The following MELTF variants were observed in gnomAD, a reference collection of about 807,000 sequenced individuals.
The protein encoded by MELTF is melanotransferrin, also known as antigen p97 (melanoma associated) identified by monoclonal antibodies 133.2 and 96.5.
A neutral mutation model predicts 83.7 loss-of-function variants in MELTF; 67 were observed. The observed-to-expected ratio is 0.80, with a 90% CI of 0.66 to 0.98. The LOEUF (loss-of-function observed/expected upper bound fraction) is 0.98, where lower values mean the gene tolerates loss of function less well. MELTF is among the 50% of genes least tolerant of loss of function. The probability of loss-of-function intolerance (pLI) is 0.00; values close to 1 mark genes in which losing one functional copy is unlikely to be tolerated. For synonymous variants in MELTF, 462 were observed against 447.6 expected, an observed-to-expected ratio of 1.03 and a Z score of -0.41; for missense variants, 1,002 against 1,035.6, an observed-to-expected ratio of 0.97 and a Z score of 0.44.
chr3:197,018,815 A>T (rs1175751184), intron 6 of MELTF: 2 of 600,868 alleles, frequency 3.3e-6, no homozygotes, highest in Non-Finnish European at 4.2e-6. Flanking sequence ...TTGGTAGAGT[A>T]TTTTTCCACA....
intron 6 of MELTF, among the ~76,000 whole-genome samples, chr3:197,020,138 C>T (rs1056474263): frequency 6.6e-6 from 1 of 152,158 alleles, no homozygotes; most frequent in African/African-American, 2.4e-5. Flanking sequence ...AATTGAGGGA[C>T]ATTCTATAAA....
chr3:197,020,399 A>G (rs1300801801), intron 6 of MELTF, among the ~76,000 whole-genome samples: 1 of 152,190 alleles, frequency 6.6e-6, no homozygotes, highest in Non-Finnish European at 1.5e-5. Flanking sequence ...GTGGCTAGGT[A>G]CACACCTCCT....
At chr3:197,017,601 GGC>G (rs1719433827) in intron 6 of MELTF, among the ~76,000 whole-genome samples, 8 of 152,240 alleles carry the variant, frequency 5.3e-5, no homozygotes, top group Non-Finnish European at 8.8e-5. Flanking sequence ...AGGCTGGCCG[GGC>G]GTGGTGGCTC....
intron 10 of MELTF, among the ~76,000 whole-genome samples, chr3:197,010,377 T>C (rs80192235): frequency 0.032 from 4,932 of 152,372 alleles, 152 homozygotes; most frequent in African/African-American, 0.073. Context: ...AGGCCTGCTC[T>C]TGTATGGCCT....
rs1459426399 is a variant in MELTF, at chr3:197,022,520, T to C, written c.644+437A>G. Among the ~76,000 whole-genome samples the C allele has an allele frequency of 1.3e-5, 2 of 151,994 alleles. No individual in the cohort carries two copies. Among genetic ancestry groups the C allele is most frequent in the Non-Finnish European group, 2.9e-5 (2 of 68,008 alleles). On this transcript the variant is annotated intron_variant, in intron 5 of 15. Transcript: ENST00000296350. The surrounding 1 kb of genome is among the most constrained non-coding windows in gnomAD (Gnocchi z 5.1). ...GCACATTTCCTCCTCTGCAGGCAGATGGAATTGGACCACGAGCTGTTAGAG... is the reference window on the plus strand; with the variant it reads ...GCACATTTCCTCCTCTGCAGGCAGACGGAATTGGACCACGAGCTGTTAGAG...
intron 9 of MELTF, among the ~76,000 whole-genome samples, chr3:197,012,025 C>T (rs1036612317): frequency 6.6e-6 from 1 of 152,194 alleles, no homozygotes; most frequent in African/African-American, 2.4e-5. Flanking sequence ...AAAGACCCTC[C>T]CAACGAGCCC....
At chr3:197,017,933 G>C (rs1350490373) in intron 6 of MELTF, among the ~76,000 whole-genome samples, 1 of 152,182 alleles carries the variant, frequency 6.6e-6, no homozygotes, top group Non-Finnish European at 1.5e-5. Flanking sequence ...TCTAGGATGA[G>C]CTTGCGGCTG....
rs534448499 is a variant in MELTF, at chr3:197,016,244, C to T, written c.1026G>A (p.Ala342=). The change falls in exon 8 of 16, where the codon GCG becomes GCA. Residue 342 remains alanine (A), a synonymous_variant. Transcript: ENST00000296350. ...CGTGCAGGTACTCATGGCCCAGCCA[C>T]GCCTCATAGGTCTGTGTGGCGATGG... ...LVPIATQTYE[A]WLGHEYLHAM... is the part of the protein sequence containing the mutation. 221 of 1,607,088 alleles carry T rather than the reference C, an allele frequency of 1.4e-4. 3 individuals are homozygous for T. The South Asian group carries it at 1.7e-3, about 12-fold the overall frequency.
chr3:197,023,183 G>T, intron 4 of MELTF, 70 bp from the exon 5 acceptor site: 4 of 1,504,638 alleles, frequency 2.7e-6, no homozygotes, highest in Non-Finnish European at 2.8e-6. Flanking sequence ...CCCAGGGTCA[G>T]CAGGGGGCCC....
In MELTF at chr3:197,006,964, G is replaced by C. The variant is rs895394751; in HGVS notation, c.1751-228C>G. Reference sequence around the variant, plus strand: ...GCTGCCATTAATTAGCAGGGAGTAGGGAGTACCTACTATGTGACAAGTACT... The same window carrying C: ...GCTGCCATTAATTAGCAGGGAGTAGCGAGTACCTACTATGTGACAAGTACT... On this transcript the variant is annotated intron_variant, in intron 13 of 15. Coordinates refer to ENST00000296350, the MANE Select transcript of MELTF (RefSeq NM_005929.6). This position sits in a 1 kb window ranked among gnomAD's most constrained non-coding sequence, Gnocchi z 5.4. Among the ~76,000 whole-genome samples the C allele has an allele frequency of 2.6e-5, 4 of 152,140 alleles. No individual in the cohort carries two copies. Among genetic ancestry groups the C allele is most frequent in the African/African-American group, 7.2e-5 (3 of 41,428 alleles).
chr3:197,009,038 C>A, intron 11 of MELTF, 73 bp from the exon 12 acceptor site: 1 of 1,563,340 alleles, frequency 6.4e-7, no homozygotes. Flanking sequence ...CGGGCCGCTC[C>A]CCCACAGGTC....
At chr3:197,016,155 T>C in intron 8 of MELTF, 34 bp downstream of exon 8, 1 of 1,475,646 alleles carries the variant, frequency 6.8e-7, no homozygotes, top group Non-Finnish European at 9.0e-7. Context: ...TGAGCTGGGC[T>C]GGAGCTGGCA....
At chr3:197,018,012 G>A (rs1312687703) in intron 6 of MELTF, among the ~76,000 whole-genome samples, 1 of 152,196 alleles carries the variant, frequency 6.6e-6, no homozygotes, top group Non-Finnish European at 1.5e-5. Context: ...GGGCCACGGT[G>A]GAAACAAACC....
intron 6 of MELTF, chr3:197,019,720 G>C: frequency 1.2e-6 from 2 of 1,612,928 alleles, no homozygotes; most frequent in South Asian, 2.2e-5. Flanking sequence ...AGAGCGCATC[G>C]TCCTACGTGC....
rs1720006206 is a variant in MELTF, at chr3:197,029,612, CG to C, written c.49+41del. 1.6e-6 allele frequency: 2 copies of C among 1,237,836 alleles called. No individual in the cohort carries two copies. Among genetic ancestry groups the C allele is most frequent in the Non-Finnish European group, 1.0e-6 (1 of 990,422 alleles). 76.7% of individuals were successfully genotyped at this position (1,237,836 alleles called of 1,614,324 possible). ...CCTGCTCAGCCGGGCCGCGGCGCCC[CG>C]GGACCCCCGCCCGCCTTTGGCTCTC... On this transcript the variant is annotated intron_variant, in intron 1 of 15. Coordinates refer to ENST00000296350, the MANE Select transcript of MELTF (RefSeq NM_005929.6). The surrounding 1 kb of genome is among the most constrained non-coding windows in gnomAD (Gnocchi z 6.5).
rs371006664 is a variant in MELTF, at chr3:197,009,631, A to C, written c.1512T>G (p.Cys504Trp). Residue 504 changes from cysteine to tryptophan, a missense_variant, in exon 11 of 16, where the codon TGT becomes TGG. Coordinates refer to ENST00000296350, the MANE Select transcript of MELTF (RefSeq NM_005929.6). ...AGGGGGGGGTACCTGTGAGGACGTCACAGTCCTTGGGCCGGATGAAGCCTC... is the reference window on the plus strand; with the variant it reads ...AGGGGGGGGTACCTGTGAGGACGTCCCAGTCCTTGGGCCGGATGAAGCCTC... Reference protein sequence around the residue: ...IQRGFIRPKDCDVLTAVSEFF... With the variant: ...IQRGFIRPKDWDVLTAVSEFF... 48 of 1,609,344 alleles carry C rather than the reference A, an allele frequency of 3.0e-5. No individual in the cohort carries two copies. The East Asian group carries it at 3.4e-4, about 11-fold the overall frequency.
Position 197,022,879 on chromosome 3 carries a change from G to A in MELTF, c.644+78C>T, listed in dbSNP as rs1204496698. The A allele has an allele frequency of 7.1e-7, 1 of 1,416,530 alleles. No homozygotes were observed. Among genetic ancestry groups the A allele is most frequent in the East Asian group, 2.3e-5 (1 of 43,330 alleles). 87.7% of individuals were successfully genotyped at this position (1,416,530 alleles called of 1,614,324 possible). On this transcript the variant is annotated intron_variant, in intron 5 of 15. Coordinates refer to ENST00000296350, the MANE Select transcript of MELTF (RefSeq NM_005929.6). The surrounding 1 kb of genome is among the most constrained non-coding windows in gnomAD (Gnocchi z 5.1). ...CTTCCCCCTCCACGGCCCTCTCTGGGCAAAGGTGTTTTTCCCCAGCATTTG... is the reference window on the plus strand; with the variant it reads ...CTTCCCCCTCCACGGCCCTCTCTGGACAAAGGTGTTTTTCCCCAGCATTTG...
rs1718829246 is a variant in MELTF, at chr3:197,003,358, CG to C, written c.*13del. ...CCGGGCGGGCATCGGAGCTCTGGGG[CG>C]GGGCGGCCGGGCTCAGAGGGCGGGC... On this transcript the variant is annotated 3_prime_UTR_variant, in exon 16 of 16. Transcript: ENST00000296350. The surrounding 1 kb of genome is among the most constrained non-coding windows in gnomAD (Gnocchi z 6.2). 5.0e-6 allele frequency: 5 copies of C among 1,009,526 alleles called. No individual in the cohort carries two copies. The highest frequency in any genetic ancestry group is 5.9e-6 in the Non-Finnish European group (5 of 849,824). 62.5% of individuals were successfully genotyped at this position (1,009,526 alleles called of 1,614,324 possible). A position where few individuals can be genotyped will look rare whatever the true frequency, so the allele number is the denominator to read the frequency against.
chr3:197,027,898 A>C lies in MELTF; in HGVS notation c.62T>G (p.Met21Arg). ...CGAGGTGGCGCACCACCGCACCTCC[A>C]TGCCACCGAGCACTGCGGGCAGGGG... Reference protein sequence around the residue: ...LLALRTVLGGMEVRWCATSDP... With the variant: ...LLALRTVLGGREVRWCATSDP... Residue 21 changes from methionine to arginine, a missense_variant, in exon 2 of 16, where the codon ATG (methionine) becomes AGG (arginine). Physicochemically the swap from Met to Arg is moderately conservative, Grantham distance 91. Coordinates refer to ENST00000296350, the MANE Select transcript of MELTF (RefSeq NM_005929.6). The C allele has an allele frequency of 6.3e-7, 1 of 1,595,088 alleles. No individual in the cohort carries two copies. Among genetic ancestry groups the C allele is most frequent in the Non-Finnish European group, 8.5e-7 (1 of 1,172,682 alleles).
Sources: gnomAD v4.1 joint callset for allele counts (sites outside exome capture counted in the v4.1 genomes callset) on GRCh38, gnomAD v4.1.1 for gene constraint, Gnocchi (gnomAD v3.1) non-coding constraint, MANE v1.5 for transcripts, NCBI Gene and HGNC (gene_info 2026-07-23, HGNC 2026-07-21) for gene names.